Variants in SHTN1 observed in about 807,000 individuals in gnomAD.
SHTN1 encodes shootin-1.
Under a neutral mutation model 83.1 loss-of-function variants are expected in SHTN1, and 42 were observed. That is an observed-to-expected ratio of 0.51 (90% CI 0.39 to 0.65). The LOEUF (loss-of-function observed/expected upper bound fraction) is 0.65, where lower values mean the gene tolerates loss of function less well. Among genes scored for constraint, SHTN1 ranks in the 30% least tolerant of loss-of-function variants. The pLI is 0.00. For synonymous variants in SHTN1, 224 were observed against 247.7 expected, an observed-to-expected ratio of 0.90 and a Z score of 0.90; for missense variants, 622 against 737.8, an observed-to-expected ratio of 0.84 and a Z score of 1.82.
intron 1 of SHTN1, among the ~76,000 whole-genome samples, chr10:117,105,148 T>C (rs933979935): frequency 2.6e-5 from 4 of 152,088 alleles, no homozygotes; most frequent in African/African-American, 9.7e-5. Flanking sequence ...ACTATGCATA[T>C]CTCATATTTG....
At chr10:116,898,935 CT>C (rs1847620508) in intron 16 of SHTN1, among the ~76,000 whole-genome samples, 1 of 152,164 alleles carries the variant, frequency 6.6e-6, no homozygotes, top group East Asian at 1.9e-4. Flanking sequence ...TATATGGAAT[CT>C]ATACATATGT....
intron 1 of SHTN1, among the ~76,000 whole-genome samples, chr10:117,110,152 G>A (rs1413370142): frequency 6.6e-6 from 1 of 152,094 alleles, no homozygotes; most frequent in African/African-American, 2.4e-5. Flanking sequence ...GACAAAAAAG[G>A]AGGAACTGAA....
intron 2 of SHTN1, among the ~76,000 whole-genome samples, chr10:117,042,415 G>A (rs111607318): frequency 2.9e-3 from 440 of 152,150 alleles, no homozygotes; most frequent in African/African-American, 0.01. Context: ...CCTAATACTG[G>A]AAGTCCCACA....
chr10:117,008,577 GA>G (rs572310057), upstream of SHTN1, among the ~76,000 whole-genome samples: 112 of 152,274 alleles, frequency 7.4e-4, 2 homozygotes, highest in South Asian at 0.022. Context: ...TATACTCAGT[GA>G]AAACTTGATC....
chr10:116,932,621 G>A (rs1849012904), intron 9 of SHTN1, among the ~76,000 whole-genome samples: 1 of 152,156 alleles, frequency 6.6e-6, no homozygotes, highest in African/African-American at 2.4e-5. Context: ...GTATGTTTAA[G>A]GTAGGCTAGG....
intron 9 of SHTN1, among the ~76,000 whole-genome samples, chr10:116,932,497 T>C (rs759976461): frequency 6.6e-6 from 1 of 151,998 alleles, no homozygotes; most frequent in Non-Finnish European, 1.5e-5. Flanking sequence ...CATGGAAAAA[T>C]TGTCTTCCAC....
intron 1 of SHTN1, among the ~76,000 whole-genome samples, chr10:117,126,056 G>A (rs1327691089): frequency 6.6e-6 from 1 of 152,186 alleles, no homozygotes. Context: ...GCAAGAAGCC[G>A]GGGGTCAAGG....
intron 6 of SHTN1, among the ~76,000 whole-genome samples, chr10:116,950,153 T>C (rs988124424): frequency 1.3e-5 from 2 of 152,096 alleles, no homozygotes; most frequent in Non-Finnish European, 2.9e-5. Flanking sequence ...GTAGCAGGTA[T>C]ATGGATGTTC....
intron 15 of SHTN1, among the ~76,000 whole-genome samples, chr10:116,906,017 C>G (rs1847955357): frequency 6.6e-6 from 1 of 152,230 alleles, no homozygotes; most frequent in East Asian, 1.9e-4. Flanking sequence ...ACTCAGTTCA[C>G]AGGCAGGCAC....
chr10:117,004,213 C>A (rs529586521), intron 1 of SHTN1, among the ~76,000 whole-genome samples: 8 of 152,258 alleles, frequency 5.3e-5, no homozygotes, highest in Admixed American at 3.9e-4. Flanking sequence ...GACCCACATT[C>A]GCAGACCACC....
At position 116,953,623 on chromosome 10, in the gene SHTN1, G is replaced by GTTTTTTTTTTTTTTT. The variant is rs759706275; in HGVS notation, c.436+404_436+418dup. Among the ~76,000 whole-genome samples the GTTTTTTTTTTTTTTT allele has an allele frequency of 3.8e-4, 35 of 92,720 alleles. 2 individuals carry two copies. The highest frequency in any genetic ancestry group is 5.8e-4 in the Non-Finnish European group (30 of 51,472). The allele number at this position is 92,720 out of a possible 152,430, so 60.8% of individuals were successfully genotyped here. On this transcript the variant is annotated intron_variant, in intron 5 of 16. Coordinates refer to ENST00000355371, the MANE Select transcript of SHTN1 (RefSeq NM_001127211.3). The stretch of plus-strand genomic sequence containing the variant: ...GACCCAGGCATCAGTTTTGTGTTTT[G>GTTTTTTTTTTTTTTT]TTTTTTTTTTTTTTTTTTTTTTGAG...
At chr10:116,955,470 A>G (rs57277241) in intron 4 of SHTN1, among the ~76,000 whole-genome samples, 3 of 152,194 alleles carry the variant, frequency 2.0e-5, no homozygotes, top group Admixed American at 1.3e-4. Flanking sequence ...TCTGAATTTA[A>G]TAATTGATAT....
Position 116,968,681 on chromosome 10 carries a change from G to C in SHTN1, c.143C>G (p.Ala48Gly). The C allele has an allele frequency of 6.2e-7, 1 of 1,612,154 alleles. No homozygotes were observed. Among genetic ancestry groups the C allele is most frequent in the Non-Finnish European group, 8.5e-7 (1 of 1,178,724 alleles). The change falls in exon 3 of 17, where the codon GCC becomes GGC. Residue 48 changes from alanine to glycine, a missense_variant. By Grantham distance (60) the Ala-to-Gly change is moderately conservative. This residue lies in a region of SHTN1 where 383 missense variants were observed against 455.8 expected (regional missense o/e 0.84). Transcript: ENST00000355371. ...CTGAAATTCTTCCAGTTTTTTAACG[G>C]CTTCATCTCGTTCTTGCCTAATTTT... ...CDKIRQERDE[A>G]VKKLEEFQKI...
At chr10:117,060,946 C>T (rs1336058690) in intron 1 of SHTN1, among the ~76,000 whole-genome samples, 1 of 152,088 alleles carries the variant, frequency 6.6e-6, no homozygotes, top group African/African-American at 2.4e-5. Context: ...TGTTAAAGAC[C>T]TTGGTTTCTA....
Position 117,057,247 on chromosome 10 carries a change from C to T in SHTN1, c.-188-8737G>A, listed in dbSNP as rs780291596. ...AGAGGAAGACTTAAACAGTAAATTG[C>T]GGGTTAATTTTGGTGAATTTCAGCT... On this transcript the variant is annotated intron_variant, in intron 1 of 17. Transcript: ENST00000392901. Among the ~76,000 whole-genome samples the T allele has an allele frequency of 8.5e-5, 13 of 152,192 alleles. No homozygotes were observed. The East Asian group carries it at 9.7e-4, about 11-fold the overall frequency.
chr10:116,958,316 A>C (rs944806144), intron 4 of SHTN1, among the ~76,000 whole-genome samples: 1 of 152,188 alleles, frequency 6.6e-6, no homozygotes, highest in Non-Finnish European at 1.5e-5. Flanking sequence ...AAGCACATTT[A>C]TAGTATTTGA....
At chr10:116,917,445 C>A (rs894242513) in intron 12 of SHTN1, among the ~76,000 whole-genome samples, 60 of 152,154 alleles carry the variant, frequency 3.9e-4, no homozygotes, top group African/African-American at 1.4e-3. Context: ...GCTGGGATTA[C>A]AAGAAGCGTC....
chr10:116,935,780 G>A (rs1003824327), intron 9 of SHTN1, among the ~76,000 whole-genome samples: 2 of 152,156 alleles, frequency 1.3e-5, no homozygotes, highest in East Asian at 3.9e-4. Context: ...AATCAGCTGT[G>A]AATCCATCTG....
At chr10:116,997,586 G>A (rs984349760) in intron 1 of SHTN1, among the ~76,000 whole-genome samples, 5 of 152,268 alleles carry the variant, frequency 3.3e-5, no homozygotes, top group South Asian at 2.1e-4. Flanking sequence ...CTCATGAGTC[G>A]ACTGGCTTTA....
Sources: gnomAD v4.1 joint callset for allele counts (sites outside exome capture counted in the v4.1 genomes callset) on GRCh38, gnomAD v4.1.1 for gene constraint, gnomAD v4.1.1 regional missense constraint, MANE v1.5 for transcripts, NCBI Gene and HGNC (gene_info 2026-07-23, HGNC 2026-07-21) for gene names.